The following CHRM3 variants were observed in gnomAD, a reference collection of about 807,000 sequenced individuals.
The protein encoded by CHRM3 is muscarinic acetylcholine receptor M3.
A neutral mutation model predicts 41.8 loss-of-function variants in CHRM3; 11 were observed. The observed-to-expected ratio is 0.26, with a 90% CI of 0.17 to 0.44. CHRM3 has a LOEUF of 0.44. Ranked by LOEUF, CHRM3 falls within the 20% of genes least tolerant of loss-of-function variation. The probability of loss-of-function intolerance (pLI) is 1.00; values close to 1 mark genes in which losing one functional copy is unlikely to be tolerated. For missense variants in CHRM3, 571 were observed against 745.4 expected (o/e 0.77, Z 2.72); for synonymous variants, 297 against 301.4 (o/e 0.99, Z 0.15).
intron 6 of CHRM3, among the ~76,000 whole-genome samples, chr1:239,881,935 C>T (rs536756172): frequency 3.9e-5 from 6 of 152,208 alleles, no homozygotes; most frequent in Non-Finnish European, 7.4e-5. Flanking sequence ...GATGGAGTCT[C>T]GCTCTTGTCG....
At chr1:239,804,338 T>TTG (rs1670452939) in intron 5 of CHRM3, among the ~76,000 whole-genome samples, 1 of 64,838 alleles carries the variant, frequency 1.5e-5, no homozygotes, top group East Asian at 6.4e-4. Context: ...AGGTCATTCA[T>TTG]TGTGTTTTTT....
intron 1 of CHRM3, among the ~76,000 whole-genome samples, chr1:239,391,143 AATC>A (rs1658999546): frequency 6.6e-6 from 1 of 152,198 alleles, no homozygotes; most frequent in Admixed American, 6.5e-5. Flanking sequence ...GTCTCTACAT[AATC>A]ATCATCATAA....
At chr1:239,649,368 T>C (rs1483854470) in intron 4 of CHRM3, among the ~76,000 whole-genome samples, 1 of 152,224 alleles carries the variant, frequency 6.6e-6, no homozygotes, top group African/African-American at 2.4e-5. Context: ...TCATGAGCGA[T>C]ACATTTCTGT....
chr1:239,787,977 C>A (rs912137967), intron 5 of CHRM3, among the ~76,000 whole-genome samples: 1 of 152,296 alleles, frequency 6.6e-6, no homozygotes, highest in Admixed American at 6.5e-5. Context: ...GTGGCTCACA[C>A]CTGTAGTCTC....
intron 1 of CHRM3, among the ~76,000 whole-genome samples, chr1:239,435,851 G>A (rs1572289444): frequency 6.6e-6 from 1 of 152,070 alleles, no homozygotes; most frequent in East Asian, 1.9e-4. Context: ...TTATCTATAA[G>A]GCAATGTTAG....
At chr1:239,612,242 A>G (rs574042794) in intron 3 of CHRM3, among the ~76,000 whole-genome samples, 17 of 152,272 alleles carry the variant, frequency 1.1e-4, no homozygotes. Context: ...CATACTTTTA[A>G]TTTTTATTTT....
intron 5 of CHRM3, among the ~76,000 whole-genome samples, chr1:239,694,163 A>G: frequency 6.6e-6 from 1 of 152,240 alleles, no homozygotes; most frequent in African/African-American, 2.4e-5. Flanking sequence ...GCATATTTAC[A>G]TATGTCAAAA....
intron 4 of CHRM3, among the ~76,000 whole-genome samples, chr1:239,641,162 G>T (rs558351212): frequency 2.1e-4 from 32 of 152,256 alleles, no homozygotes; most frequent in Admixed American, 2.0e-3. Context: ...TTTTACATTT[G>T]CTGAGGAGTG....
intron 3 of CHRM3, among the ~76,000 whole-genome samples, chr1:239,582,153 A>G (rs1182975636): frequency 1.3e-5 from 2 of 152,172 alleles, no homozygotes; most frequent in African/African-American, 2.4e-5. Flanking sequence ...TTGGGATCCT[A>G]TTGGGTAATA....
At chr1:239,600,729 C>T (rs907470625) in intron 3 of CHRM3, among the ~76,000 whole-genome samples, 2 of 150,666 alleles carry the variant, frequency 1.3e-5, no homozygotes, top group Non-Finnish European at 3.0e-5. Context: ...TCCTTCTTCC[C>T]TCCCTCCTTC....
At chr1:239,735,603 G>A (rs944572057) in intron 5 of CHRM3, among the ~76,000 whole-genome samples, 9 of 151,994 alleles carry the variant, frequency 5.9e-5, no homozygotes, top group Non-Finnish European at 1.3e-4. Context: ...AATAAACGAA[G>A]CACTATTTTT....
In CHRM3 at chr1:239,710,043, A is replaced by G. The variant is rs561143942; in HGVS notation, c.-147+31755A>G. 2.4e-4 allele frequency among the ~76,000 whole-genome samples: 37 copies of G among 152,324 alleles called. No homozygotes were observed. In the South Asian group the frequency reaches 7.7e-3, roughly 32 times the overall value. ...CACTGATTGTGATGCTTCTAATGGC[A>G]ATTTCATTTTGCTGACATCGACCTT... On this transcript the variant is annotated intron_variant, in intron 5 of 6. Transcript: ENST00000676153.
At chr1:239,643,725 T>G (rs1347224102) in intron 4 of CHRM3, among the ~76,000 whole-genome samples, 1 of 152,222 alleles carries the variant, frequency 6.6e-6, no homozygotes, top group African/African-American at 2.4e-5. Flanking sequence ...GCTTCCCAAG[T>G]GAGGCAATGC....
intron 5 of CHRM3, among the ~76,000 whole-genome samples, chr1:239,719,392 T>C (rs554569175): frequency 6.6e-6 from 1 of 152,100 alleles, no homozygotes; most frequent in Admixed American, 6.6e-5. Flanking sequence ...AAATATTTGT[T>C]TTCCTGGCAG....
At chr1:239,755,164 T>C (rs1289669340) in intron 5 of CHRM3, among the ~76,000 whole-genome samples, 1 of 152,120 alleles carries the variant, frequency 6.6e-6, no homozygotes, top group Non-Finnish European at 1.5e-5. Flanking sequence ...GGTTAAAGAT[T>C]CCAGAGGACT....
chr1:239,592,279 G>T (rs373841961), intron 3 of CHRM3, among the ~76,000 whole-genome samples: 1 of 152,054 alleles, frequency 6.6e-6, no homozygotes, highest in African/African-American at 2.4e-5. Flanking sequence ...TTTTTGCTTT[G>T]TCCCTCTAAC....
intron 5 of CHRM3, among the ~76,000 whole-genome samples, chr1:239,714,421 C>T (rs6663632): frequency 2.6e-5 from 4 of 151,870 alleles, no homozygotes; most frequent in African/African-American, 7.3e-5. Context: ...GCTCAGGGGA[C>T]GTTTCTTCTT....
At chr1:239,586,085 C>T (rs963690338) in intron 3 of CHRM3, among the ~76,000 whole-genome samples, 2 of 152,168 alleles carry the variant, frequency 1.3e-5, no homozygotes, top group Non-Finnish European at 2.9e-5. Flanking sequence ...AGAGTAATTT[C>T]TGTCCACTCC....
intron 4 of CHRM3, among the ~76,000 whole-genome samples, chr1:239,658,749 T>G (rs1672935887): frequency 6.6e-6 from 1 of 152,124 alleles, no homozygotes; most frequent in Non-Finnish European, 1.5e-5. Context: ...TTGACTTTTT[T>G]TTTTTTTGAG....
Sources: allele counts gnomAD v4.1 joint callset (sites outside exome capture counted in the v4.1 genomes callset), GRCh38; gene constraint gnomAD v4.1.1; transcripts MANE v1.5; gene names NCBI Gene and HGNC (gene_info 2026-07-23, HGNC 2026-07-21).